DPP6: variants seen among roughly 807,000 people sequenced by gnomAD.
The protein encoded by DPP6 is dipeptidyl peptidase like 6.
A neutral mutation model predicts 122.6 loss-of-function variants in DPP6; 69 were observed. The observed-to-expected ratio is 0.56, with a 90% CI of 0.46 to 0.69. The LOEUF (loss-of-function observed/expected upper bound fraction) is 0.69, where lower values mean the gene tolerates loss of function less well. Among genes scored for constraint, DPP6 ranks in the 30% least tolerant of loss-of-function variants. The pLI is 0.00. For missense variants in DPP6, 928 were observed against 1,116.9 expected, an observed-to-expected ratio of 0.83 and a Z score of 2.41; for synonymous variants, 418 against 433.1, an observed-to-expected ratio of 0.97 and a Z score of 0.43.
At chr7:153,846,649 A>T in the DPP6 span, among the ~76,000 whole-genome samples, 1 of 143,198 alleles carries the variant, frequency 7.0e-6, no homozygotes, top group African/African-American at 2.6e-5. Context: ...TGTGTGTTTT[A>T]CACTTGACAC....
intron 6 of DPP6, among the ~76,000 whole-genome samples, chr7:154,642,787 C>T (rs1017117016): frequency 6.6e-6 from 1 of 150,672 alleles, no homozygotes; most frequent in Non-Finnish European, 1.5e-5. Context: ...AAAACTTGGC[C>T]GGGCTTAGTG....
intron 1 of DPP6, among the ~76,000 whole-genome samples, chr7:154,250,276 T>C (rs1005686588): frequency 1.2e-4 from 19 of 152,060 alleles, no homozygotes; most frequent in African/African-American, 2.2e-4. Flanking sequence ...TCTGAGGGGT[T>C]TTGTCTGTGG....
At chr7:154,733,698 TC>T (rs1223605427) in intron 8 of DPP6, among the ~76,000 whole-genome samples, 1 of 152,162 alleles carries the variant, frequency 6.6e-6, no homozygotes, top group Admixed American at 6.5e-5. Context: ...TTTCACACTT[TC>T]ATGGAAGAAA....
intron 1 of DPP6, among the ~76,000 whole-genome samples, chr7:154,200,543 A>C (rs896303615): frequency 6.6e-6 from 1 of 152,120 alleles, no homozygotes; most frequent in Admixed American, 6.5e-5. Context: ...ACAAATGCTA[A>C]AGGTCAGTAC....
At chr7:154,659,535 A>T (rs1382824062) in intron 6 of DPP6, among the ~76,000 whole-genome samples, 1 of 152,386 alleles carries the variant, frequency 6.6e-6, no homozygotes, top group East Asian at 1.9e-4. Flanking sequence ...ATTTTCACAT[A>T]CAATAGATTA....
chr7:154,386,379 G>A (rs1814115437), intron 1 of DPP6, among the ~76,000 whole-genome samples: 1 of 151,862 alleles, frequency 6.6e-6, no homozygotes, highest in Non-Finnish European at 1.5e-5. Flanking sequence ...ATTCAGAAAA[G>A]ATTTGCAGGA....
intron 4 of DPP6, among the ~76,000 whole-genome samples, chr7:154,566,198 A>T (rs1015975573): frequency 6.6e-6 from 1 of 152,222 alleles, no homozygotes; most frequent in African/African-American, 2.4e-5. Flanking sequence ...TTAGTGAGAA[A>T]AAGGTTTCTA....
the DPP6 span, among the ~76,000 whole-genome samples, chr7:153,821,992 G>C: frequency 5.7e-4 from 86 of 152,110 alleles, no homozygotes; most frequent in South Asian, 1.9e-3. Context: ...CAGGTCTTCT[G>C]TAGCTAAATA....
rs139714423 is a variant in DPP6, at chr7:154,193,775, T to C, written c.243+140712T>C. Among the ~76,000 whole-genome samples, 509 of 151,962 alleles carry C rather than the reference T, an allele frequency of 3.3e-3. 3 individuals carry two copies. The highest frequency in any genetic ancestry group is 0.011 in the African/African-American group (473 of 41,430). On this transcript the variant is annotated intron_variant, in intron 1 of 25. Transcript: ENST00000377770. ...TCCTCACTTTAGTAGCATTATCAAG[T>C]TCAAGCACCAGTATGGAAATAGGAA...
chr7:154,317,468 G>A (rs1258985068), intron 1 of DPP6, among the ~76,000 whole-genome samples: 1 of 152,106 alleles, frequency 6.6e-6, no homozygotes, highest in African/African-American at 2.4e-5. Flanking sequence ...TTATGCTAAG[G>A]TACCTGAGGC....
At chr7:154,012,983 C>G (rs1798216823) in intron 1 of DPP6, among the ~76,000 whole-genome samples, 1 of 152,190 alleles carries the variant, frequency 6.6e-6, no homozygotes, top group Admixed American at 6.5e-5. Flanking sequence ...GGGTGTGGAT[C>G]AGACATCTGG....
intron 3 of DPP6, among the ~76,000 whole-genome samples, chr7:154,498,502 T>A (rs1219964614): frequency 1.3e-5 from 2 of 152,034 alleles, no homozygotes; most frequent in African/African-American, 4.8e-5. Flanking sequence ...CACACCTGAT[T>A]AATTTTTGTA....
At chr7:154,191,228 CTTGT>C (rs1408852851) in intron 1 of DPP6, among the ~76,000 whole-genome samples, 3 of 152,166 alleles carry the variant, frequency 2.0e-5, no homozygotes, top group African/African-American at 7.2e-5. Flanking sequence ...TACAAACATA[CTTGT>C]AAGATTTATA....
At chr7:153,768,341 G>T in the DPP6 span, among the ~76,000 whole-genome samples, 20 of 151,980 alleles carry the variant, frequency 1.3e-4, no homozygotes, top group Non-Finnish European at 2.6e-4. Flanking sequence ...TCACTTAACC[G>T]TCTCAGTAAT....
intron 5 of DPP6, among the ~76,000 whole-genome samples, chr7:154,631,077 A>G (rs1277677879): frequency 6.6e-6 from 1 of 152,258 alleles, no homozygotes; most frequent in African/African-American, 2.4e-5. Flanking sequence ...AGCTAAAAAT[A>G]TAAGTTTAGA....
chr7:153,957,229 A>T (rs1436441782), intron 1 of DPP6, among the ~76,000 whole-genome samples: 1 of 152,168 alleles, frequency 6.6e-6, no homozygotes, highest in Admixed American at 6.5e-5. Flanking sequence ...TGTCAGAAAA[A>T]TCAGTACAGA....
intron 1 of DPP6, among the ~76,000 whole-genome samples, chr7:154,438,373 G>A (rs968017674): frequency 2.1e-5 from 3 of 144,898 alleles, no homozygotes; most frequent in African/African-American, 7.6e-5. Flanking sequence ...AGGAGGCTGA[G>A]TCAGGAGAAC....
At chr7:153,835,918 C>T in the DPP6 span, among the ~76,000 whole-genome samples, 1 of 152,098 alleles carries the variant, frequency 6.6e-6, no homozygotes, top group Admixed American at 6.6e-5. Flanking sequence ...GCCCTGGGAC[C>T]AGTGCCAGTA....
At chr7:154,668,125 C>G in intron 6 of DPP6, among the ~76,000 whole-genome samples, 1 of 144,906 alleles carries the variant, frequency 6.9e-6, no homozygotes, top group African/African-American at 2.5e-5. Flanking sequence ...GTGCAGCATC[C>G]TCCCTTTCCA....
Sources: allele counts gnomAD v4.1 joint callset (sites outside exome capture counted in the v4.1 genomes callset), GRCh38; gene constraint gnomAD v4.1.1; transcripts MANE v1.5; gene names NCBI Gene and HGNC (gene_info 2026-07-23, HGNC 2026-07-21).